CFDP1: variants seen among roughly 807,000 people sequenced by gnomAD.
The protein encoded by CFDP1 is chromatin remodeling protein CFDP1.
A neutral mutation model predicts 40.1 loss-of-function variants in CFDP1; 31 were observed. The ratio of observed to expected loss-of-function variants is 0.77; its 90% CI spans 0.58 to 1.04. CFDP1 has a LOEUF of 1.04. CFDP1 is among the 50% of genes least tolerant of loss of function. The probability of loss-of-function intolerance (pLI) is 0.00; values close to 1 mark genes in which losing one functional copy is unlikely to be tolerated. For missense variants in CFDP1, 423 were observed against 343.4 expected, an observed-to-expected ratio of 1.23 and a Z score of -1.83; for synonymous variants, 167 against 120.0, an observed-to-expected ratio of 1.39 and a Z score of -2.56.
At position 75,323,428 on chromosome 16, in the gene CFDP1, C is replaced by T. The variant is rs370683760; in HGVS notation, c.651-18246G>A. ...GAAGGACCTGCCTGAGGCTGTTTTA[C>T]TTAACTTTTTTTTTTTTTTTAACAA... On this transcript the variant is annotated intron_variant, in intron 5 of 6. Transcript: ENST00000283882. Among the ~76,000 whole-genome samples the T allele has an allele frequency of 9.4e-5, 14 of 148,978 alleles. No homozygotes were observed. The South Asian group carries it at 3.0e-3, about 32-fold the overall frequency.
chr16:75,393,290 T>C (rs373977444), intron 5 of CFDP1, among the ~76,000 whole-genome samples: 13 of 152,204 alleles, frequency 8.5e-5, no homozygotes, highest in East Asian at 7.7e-4. Flanking sequence ...CTTGTACCTC[T>C]CTATTGGGGC....
chr16:75,352,007 C>CAAA (rs3975153), intron 5 of CFDP1, among the ~76,000 whole-genome samples: 6,792 of 86,230 alleles, frequency 0.079, 640 homozygotes, highest in Non-Finnish European at 0.097. Flanking sequence ...GACTCTGTCT[C>CAAA]AAAAAAAAAA....
At chr16:75,424,755 C>A (rs371883337) in intron 1 of CFDP1, among the ~76,000 whole-genome samples, 240 of 129,266 alleles carry the variant, frequency 1.9e-3, no homozygotes, top group South Asian at 3.0e-3. Context: ...GACTCCGTCT[C>A]AAAAAAAAAA....
intron 4 of CFDP1, among the ~76,000 whole-genome samples, chr16:75,408,968 C>T (rs1401781864): frequency 6.6e-6 from 1 of 151,818 alleles, no homozygotes; most frequent in Non-Finnish European, 1.5e-5. Flanking sequence ...AGTGATTCTC[C>T]TGCTTCAGCC....
intron 4 of CFDP1, among the ~76,000 whole-genome samples, chr16:75,398,623 A>G (rs185998767): frequency 2.4e-4 from 37 of 152,316 alleles, no homozygotes; most frequent in African/African-American, 7.7e-4. Context: ...AGTTACCACA[A>G]AAGAAGTCTG....
chr16:75,357,193 G>A (rs1185374225), intron 5 of CFDP1, among the ~76,000 whole-genome samples: 1 of 151,948 alleles, frequency 6.6e-6, no homozygotes, highest in Non-Finnish European at 1.5e-5. Flanking sequence ...GATTACAGGT[G>A]TGAGCCACCT....
At chr16:75,332,387 C>T (rs1450695538) in intron 5 of CFDP1, among the ~76,000 whole-genome samples, 1 of 152,028 alleles carries the variant, frequency 6.6e-6, no homozygotes, top group Admixed American at 6.6e-5. Context: ...ATCACTTGAG[C>T]CTGAGAGGTG....
chr16:75,366,612 G>C (rs2078715788), intron 5 of CFDP1, among the ~76,000 whole-genome samples: 1 of 152,084 alleles, frequency 6.6e-6, no homozygotes, highest in African/African-American at 2.4e-5. Context: ...TGGATAGAGT[G>C]AGTGCGACTC....
intron 3 of CFDP1, among the ~76,000 whole-genome samples, chr16:75,412,226 C>T (rs2079169385): frequency 6.6e-6 from 1 of 152,124 alleles, no homozygotes; most frequent in South Asian, 2.1e-4. Flanking sequence ...GCCATGTTGG[C>T]CAGGCTGGTC....
intron 5 of CFDP1, among the ~76,000 whole-genome samples, chr16:75,383,702 C>G (rs1567664835): frequency 6.6e-6 from 1 of 151,702 alleles, no homozygotes; most frequent in Non-Finnish European, 1.5e-5. Flanking sequence ...GCCTTTAGTC[C>G]CAGCTACTCG....
rs1423014450 is a variant in CFDP1, at chr16:75,415,349, C to A, written c.65-654G>T. Among the ~76,000 whole-genome samples, 3 of 152,162 alleles carry A rather than the reference C, an allele frequency of 2.0e-5. No individual in the cohort carries two copies. In the East Asian group the frequency reaches 5.8e-4, roughly 29 times the overall value. On this transcript the variant is annotated intron_variant, in intron 1 of 6. Coordinates refer to ENST00000283882, the MANE Select transcript of CFDP1 (RefSeq NM_006324.3). ...ACAGAGATTCCACTACCTTTTTCCT[C>A]TTTTACTTCATATAAACTTTCAATT...
intron 5 of CFDP1, among the ~76,000 whole-genome samples, chr16:75,394,184 C>G (rs1431228902): frequency 6.6e-6 from 1 of 152,180 alleles, no homozygotes; most frequent in Non-Finnish European, 1.5e-5. Context: ...GCAGAACTCC[C>G]CACAGGAGTC....
chr16:75,363,942 A>AACACACAC (rs10635711), intron 5 of CFDP1, among the ~76,000 whole-genome samples: 50,974 of 142,656 alleles, frequency 0.36, 10,327 homozygotes, highest in Non-Finnish European at 0.47. Flanking sequence ...AAAGAGGTGA[A>AACACACAC]ACACACACAC....
intron 5 of CFDP1, among the ~76,000 whole-genome samples, chr16:75,343,532 T>C (rs753676980): frequency 6.6e-6 from 1 of 152,190 alleles, no homozygotes; most frequent in Non-Finnish European, 1.5e-5. Flanking sequence ...AAAATGTATG[T>C]GTATGACAAA....
chr16:75,294,898 T>C (rs543921002), intron 6 of CFDP1, among the ~76,000 whole-genome samples: 215 of 152,118 alleles, frequency 1.4e-3, no homozygotes, highest in Admixed American at 5.4e-3. Flanking sequence ...ACAGGCGCGC[T>C]TGCTAGGAGT....
intron 5 of CFDP1, chr16:75,306,352 G>C (rs547443106): frequency 6.6e-6 from 1 of 152,166 alleles, no homozygotes; most frequent in African/African-American, 2.4e-5. Flanking sequence ...GAAACCCCAC[G>C]TCCCTGCCGC....
In CFDP1 at chr16:75,394,657, G is replaced by GCTTTT. The variant is rs1183101848; in HGVS notation, c.650+428_650+432dup. 5 of 58,568 alleles carry GCTTTT rather than the reference G, an allele frequency of 8.5e-5. No individual in the cohort carries two copies. In the East Asian group the frequency reaches 2.5e-3, roughly 29 times the overall value. 3.6% of individuals were successfully genotyped at this position (58,568 alleles called of 1,614,324 possible). The stretch of plus-strand genomic sequence containing the variant: ...AAGAAAGCTACAACTAATTTTCTTC[G>GCTTTT]CTTTTTTTTTTTTTTTTTTTTTTTA... On this transcript the variant is annotated intron_variant, in intron 5 of 6. Coordinates refer to ENST00000283882, the MANE Select transcript of CFDP1 (RefSeq NM_006324.3).
intron 5 of CFDP1, among the ~76,000 whole-genome samples, chr16:75,324,170 A>G (rs1433703545): frequency 6.6e-6 from 1 of 152,178 alleles, no homozygotes; most frequent in Admixed American, 6.5e-5. Context: ...GAAAACCATT[A>G]CACAGGAAGT....
intron 5 of CFDP1, among the ~76,000 whole-genome samples, chr16:75,394,516 T>C (rs2078979843): frequency 6.6e-6 from 1 of 152,184 alleles, no homozygotes; most frequent in Non-Finnish European, 1.5e-5. Context: ...TCATGAAAAG[T>C]TCTGCAGAAG....
Sources: allele counts gnomAD v4.1 joint callset (sites outside exome capture counted in the v4.1 genomes callset), GRCh38; gene constraint gnomAD v4.1.1; transcripts MANE v1.5; gene names NCBI Gene and HGNC (gene_info 2026-07-23, HGNC 2026-07-21).